Variants in TFAP2A observed in about 807,000 individuals in gnomAD.
TFAP2A encodes transcription factor AP-2 alpha, also known as transcription factor AP-2-alpha.
Under a neutral mutation model 41.5 loss-of-function variants are expected in TFAP2A, and 7 were observed. The observed-to-expected ratio is 0.17, with a 90% CI of 0.10 to 0.32. TFAP2A has a LOEUF of 0.32. TFAP2A is among the 10% of genes least tolerant of loss of function. The pLI is 1.00. For synonymous variants in TFAP2A, 247 were observed against 242.8 expected, an observed-to-expected ratio of 1.02 and a Z score of -0.16; for missense variants, 416 against 563.3, an observed-to-expected ratio of 0.74 and a Z score of 2.65.
In TFAP2A at chr6:10,411,801, C is replaced by G. The variant is rs374038213; in HGVS notation, c.52-1466G>C. The G allele has an allele frequency of 1.4e-5, 20 of 1,440,044 alleles. No homozygotes were observed. In the African/African-American group the frequency reaches 2.5e-4, roughly 18 times the overall value. The allele number at this position is 1,440,044 out of a possible 1,614,324, so 89.2% of individuals were successfully genotyped here. ...GAACTTGAACCACCGATTCGCGCGG[C>G]GCCTTCAGCTGGTCGAACCCACGGT... On this transcript the variant is annotated intron_variant, in intron 1 of 6. Transcript: ENST00000379613.
At chr6:10,408,210 C>A (rs1757801424) in intron 2 of TFAP2A, among the ~76,000 whole-genome samples, 1 of 152,106 alleles carries the variant, frequency 6.6e-6, no homozygotes, top group Non-Finnish European at 1.5e-5. Context: ...TGAAAACAAC[C>A]TTTTTCTTGA....
At position 10,398,251 on chromosome 6, in the gene TFAP2A, C is replaced by G; in HGVS notation, c.*166G>C. On this transcript the variant is annotated 3_prime_UTR_variant, in exon 7 of 7. Coordinates refer to ENST00000379613, the MANE Select transcript of TFAP2A (RefSeq NM_001372066.1). The surrounding 1 kb of genome is among the most constrained non-coding windows in gnomAD (Gnocchi z 5.3). ...CCCCACTGACAGTCGAGAGGGCAGT[C>G]CCGGAGACTCGGGGGGACCCAAGGG... 5.9e-6 allele frequency: 9 copies of G among 1,525,630 alleles called. No individual in the cohort carries two copies. In the South Asian group the frequency reaches 1.0e-4, roughly 17 times the overall value. The allele number at this position is 1,525,630 out of a possible 1,614,324, so 94.5% of individuals were successfully genotyped here.
In TFAP2A at chr6:10,398,577, C is replaced by A; in HGVS notation, c.1160G>T (p.Gly387Val). 6.2e-7 allele frequency: 1 copy of A among 1,614,200 alleles called. No individual in the cohort carries two copies. Among genetic ancestry groups the A allele is most frequent in the East Asian group, 2.2e-5 (1 of 44,892 alleles). ...GGCACACACCGCGGGGCTGCCGAAG[C>A]CGTGGGAGATGAGGTTGAAGTGGGT... ...CLTHFNLISH[G>V]FGSPAVCAAV... The change falls in exon 7 of 7, where the codon GGC becomes GTC. Residue 387 changes from glycine (G) to valine (V), a missense_variant. Gly to Val is a moderately radical substitution (Grantham distance 109). This residue lies in a region of TFAP2A where 116 missense variants were observed against 153.8 expected (regional missense o/e 0.75). Coordinates refer to ENST00000379613, the MANE Select transcript of TFAP2A (RefSeq NM_001372066.1). This position sits in a 1 kb window ranked among gnomAD's most constrained non-coding sequence, Gnocchi z 5.3.
intron 5 of TFAP2A, among the ~76,000 whole-genome samples, chr6:10,401,636 G>A (rs1003515025): frequency 2.0e-5 from 3 of 152,170 alleles, no homozygotes; most frequent in Non-Finnish European, 1.5e-5. Flanking sequence ...ATATATACAT[G>A]CTAGTTTTAA....
At chr6:10,415,450 T>TCCTCGAG, upstream of TFAP2A, 2 of 281,216 alleles carry the variant, frequency 7.1e-6, no homozygotes, top group Non-Finnish European at 1.3e-5. Context: ...GATAAAACCT[T>TCCTCGAG]CCTCGAGCTC....
intron 5 of TFAP2A, 85 bp downstream of exon 5, chr6:10,402,407 A>C (rs779462262): frequency 6.3e-5 from 65 of 1,036,444 alleles, no homozygotes; most frequent in Non-Finnish European, 6.1e-6. Flanking sequence ...CAACTGACAT[A>C]AAATACGACC....
Position 10,398,268 on chromosome 6 carries a change from A to C in TFAP2A, c.*149T>G. The C allele has an allele frequency of 6.4e-7, 1 of 1,553,034 alleles. No homozygotes were observed. Among genetic ancestry groups the C allele is most frequent in the Non-Finnish European group, 8.7e-7 (1 of 1,155,670 alleles). The stretch of plus-strand genomic sequence containing the variant: ...AGGGCAGTCCCGGAGACTCGGGGGG[A>C]CCCAAGGGCAGCGGCGGCGGCGGCG... On this transcript the variant is annotated 3_prime_UTR_variant, in exon 7 of 7. Coordinates refer to ENST00000379613, the MANE Select transcript of TFAP2A (RefSeq NM_001372066.1). This position sits in a 1 kb window ranked among gnomAD's most constrained non-coding sequence, Gnocchi z 5.3.
At chr6:10,400,207 C>T (rs1471882649) in intron 6 of TFAP2A, among the ~76,000 whole-genome samples, 1 of 148,000 alleles carries the variant, frequency 6.8e-6, no homozygotes, top group Non-Finnish European at 1.5e-5. Context: ...CTCCCATACA[C>T]ACTCATTAAA....
At chr6:10,419,351 C>T, upstream of TFAP2A, 2 of 1,576,658 alleles carry the variant, frequency 1.3e-6, no homozygotes, top group Non-Finnish European at 1.7e-6. Context: ...TCCTCCTCCC[C>T]GCTCCGGCCC....
intron 1 of TFAP2A, chr6:10,411,849 A>T: frequency 1.4e-6 from 2 of 1,390,552 alleles, no homozygotes; most frequent in Non-Finnish European, 1.9e-6. Flanking sequence ...GCGACTGGTT[A>T]TGATTCAAAG....
chr6:10,413,286 G>A (rs1016517721), intron 1 of TFAP2A, among the ~76,000 whole-genome samples: 2 of 151,842 alleles, frequency 1.3e-5, no homozygotes, highest in African/African-American at 4.8e-5. Context: ...ATCTTTTTTT[G>A]CCTCGCTTAC....
rs780030798 is a variant in TFAP2A, at chr6:10,404,774, T to C, written c.539-35A>G. On this transcript the variant is annotated intron_variant, in intron 3 of 6. Transcript: ENST00000379613. ...CAGAGGGGAGGCCGCGTGTTGGGCG[T>C]CGTGGATCACCCCCAAATCCTGCCC... The C allele has an allele frequency of 2.5e-6, 4 of 1,592,136 alleles. No individual in the cohort carries two copies. In the Admixed American group the frequency reaches 6.7e-5, roughly 27 times the overall value.
rs1561703542 is a variant in TFAP2A, at chr6:10,398,296, G to A, written c.*121C>T. On this transcript the variant is annotated 3_prime_UTR_variant, in exon 7 of 7. Transcript: ENST00000379613. The surrounding 1 kb of genome is among the most constrained non-coding windows in gnomAD (Gnocchi z 5.3). ...CAAGGGCAGCGGCGGCGGCGGCGGC[G>A]GCAGCAGCAGCAGCAGTAGCAGCAG... 18 of 1,577,048 alleles carry A rather than the reference G, an allele frequency of 1.1e-5. No homozygotes were observed. In the South Asian group the frequency reaches 1.4e-4, roughly 12 times the overall value.
chr6:10,412,169 A>C, intron 1 of TFAP2A: 1 of 988,302 alleles, frequency 1.0e-6, no homozygotes. Context: ...AGCAAATCGG[A>C]GTGGGGAGAG....
chr6:10,404,866 C>T lies in TFAP2A; in HGVS notation c.539-127G>A, dbSNP rs1757633394. On this transcript the variant is annotated intron_variant, in intron 3 of 6. Transcript: ENST00000379613. ...TGGGCCACAGTCCCCGCTTTTCCGT[C>T]CGGCTCTGAAATTCTGTGGCTCTGC... The T allele has an allele frequency of 6.1e-6, 5 of 818,718 alleles. No homozygotes were observed. The Admixed American group carries it at 9.6e-5, about 16-fold the overall frequency. The allele number at this position is 818,718 out of a possible 1,614,324, so 50.7% of individuals were successfully genotyped here. A position where few individuals can be genotyped will look rare whatever the true frequency, so the allele number is the denominator to read the frequency against.
intron 2 of TFAP2A, among the ~76,000 whole-genome samples, chr6:10,408,632 A>G (rs1757821243): frequency 1.3e-5 from 2 of 152,252 alleles, no homozygotes; most frequent in Admixed American, 1.3e-4. Context: ...GAACACACAT[A>G]TACAGACATA....
chr6:10,415,141 A>T (rs563924766), upstream of TFAP2A: 292 of 1,537,762 alleles, frequency 1.9e-4, no homozygotes, highest in African/African-American at 3.7e-3. Flanking sequence ...GAGGGAGAGG[A>T]GGAGGGCAAG....
chr6:10,408,284 C>T (rs1051644231), intron 2 of TFAP2A, among the ~76,000 whole-genome samples: 1 of 152,254 alleles, frequency 6.6e-6, no homozygotes. Flanking sequence ...AAAACAGCAA[C>T]TGGGTTTCCT....
At chr6:10,409,503 C>T (rs139373558) in intron 2 of TFAP2A, 2 of 223,236 alleles carry the variant, frequency 9.0e-6, no homozygotes, top group African/African-American at 4.6e-5. Context: ...ATTTAATGAG[C>T]TCTTTTGGTT....
Sources: gnomAD v4.1 joint callset for allele counts (sites outside exome capture counted in the v4.1 genomes callset) on GRCh38, gnomAD v4.1.1 for gene constraint, gnomAD v4.1.1 regional missense constraint, Gnocchi (gnomAD v3.1) non-coding constraint, MANE v1.5 for transcripts, NCBI Gene and HGNC (gene_info 2026-07-23, HGNC 2026-07-21) for gene names.